Variants in PHF14 observed in about 807,000 individuals in gnomAD.
The protein encoded by PHF14 is PHD finger protein 14.
In PHF14, 55 loss-of-function variants were observed where a neutral mutation model predicts 117.9. The ratio of observed to expected loss-of-function variants is 0.47; its 90% CI spans 0.38 to 0.58. The LOEUF is 0.58. PHF14 is among the 20% of genes least tolerant of loss of function. The probability of loss-of-function intolerance (pLI) is 0.00; values close to 1 mark genes in which losing one functional copy is unlikely to be tolerated. For synonymous variants in PHF14, 409 were observed against 368.6 expected, an observed-to-expected ratio of 1.11 and a Z score of -1.26; for missense variants, 978 against 1,122.2, an observed-to-expected ratio of 0.87 and a Z score of 1.84.
intron 14 of PHF14, among the ~76,000 whole-genome samples, chr7:11,052,066 C>T (rs796315586): frequency 4.6e-5 from 7 of 152,272 alleles, no homozygotes; most frequent in African/African-American, 1.7e-4. Context: ...CCGTAAACCC[C>T]TCGACAAGCT....
chr7:11,096,157 G>T (rs146374751), intron 16 of PHF14, among the ~76,000 whole-genome samples: 3 of 151,656 alleles, frequency 2.0e-5, no homozygotes, highest in African/African-American at 7.3e-5. Flanking sequence ...ATTCTTTTTC[G>T]GTGTCTGAGT....
At chr7:11,078,255 C>G (rs1477746174) in intron 16 of PHF14, among the ~76,000 whole-genome samples, 2 of 152,060 alleles carry the variant, frequency 1.3e-5, no homozygotes, top group African/African-American at 4.8e-5. Flanking sequence ...ACTAGGAAAA[C>G]CAGGATGATT....
chr7:11,149,809 G>GT (rs1788655529), intron 17 of PHF14, among the ~76,000 whole-genome samples: 2 of 130,130 alleles, frequency 1.5e-5, no homozygotes, highest in Admixed American at 1.8e-4. Context: ...TGTTTCAGTT[G>GT]ATTTTTTTTT....
chr7:10,989,519 A>G (rs896040259), intron 3 of PHF14, among the ~76,000 whole-genome samples: 2 of 152,178 alleles, frequency 1.3e-5, no homozygotes, highest in African/African-American at 4.8e-5. Context: ...TGCAAGAATC[A>G]TTTTCTTAAC....
chr7:11,058,272 C>T (rs1785089237), intron 14 of PHF14, among the ~76,000 whole-genome samples: 1 of 152,034 alleles, frequency 6.6e-6, no homozygotes, highest in African/African-American at 2.4e-5. Context: ...TACCATTTCT[C>T]CCTCTTTTAA....
intron 17 of PHF14, among the ~76,000 whole-genome samples, chr7:11,113,345 T>C (rs1787503957): frequency 6.6e-6 from 1 of 152,168 alleles, no homozygotes; most frequent in South Asian, 2.1e-4. Flanking sequence ...GATAAGGTTT[T>C]AGTTTTGTTT....
chr7:10,998,068 A>T (rs1298199234), intron 4 of PHF14, among the ~76,000 whole-genome samples: 1 of 152,152 alleles, frequency 6.6e-6, no homozygotes, highest in Non-Finnish European at 1.5e-5. Flanking sequence ...AGAATTGGTG[A>T]TATAAGGAAA....
chr7:11,000,334 CTTTTTTTTTTT>C lies in PHF14; in HGVS notation c.1045+9500_1045+9510del, dbSNP rs71023882. 1.3e-4 allele frequency among the ~76,000 whole-genome samples: 8 copies of C among 60,370 alleles called. No homozygotes were observed. In the South Asian group the frequency reaches 5.2e-3, roughly 39 times the overall value. The allele number at this position is 60,370 out of a possible 152,430, so 39.6% of individuals were successfully genotyped here. On this transcript the variant is annotated intron_variant, in intron 4 of 17. Coordinates refer to ENST00000634607, the MANE Select transcript of PHF14 (RefSeq NM_001007157.2). The stretch of plus-strand genomic sequence containing the variant: ...AGTATCTTTTCATATGCTTATTTGC[CTTTTTTTTTTT>C]TTTTTTTTTTTTGAGATGGAGTCTT...
rs533305297 is a variant in PHF14, at chr7:11,119,906, A to G, written c.2772+8439A>G. Reference sequence around the variant, plus strand: ...TTGATTTTCTGATGGAATCTTTCCTAGGTGTGATAAGTTGTAAATTAGAGG... The same window carrying G: ...TTGATTTTCTGATGGAATCTTTCCTGGGTGTGATAAGTTGTAAATTAGAGG... On this transcript the variant is annotated intron_variant, in intron 17 of 17. Transcript: ENST00000634607. Among the ~76,000 whole-genome samples, 23 of 152,014 alleles carry G rather than the reference A, an allele frequency of 1.5e-4. No individual in the cohort carries two copies. In the South Asian group the frequency reaches 4.6e-3, roughly 30 times the overall value.
chr7:11,081,746 C>T (rs1786111808), intron 16 of PHF14, among the ~76,000 whole-genome samples: 1 of 151,828 alleles, frequency 6.6e-6, no homozygotes, highest in Non-Finnish European at 1.5e-5. Flanking sequence ...GTCCCAGCTA[C>T]TTGGGAGGCT....
At chr7:11,047,839 AAAG>A (rs1784724869) in intron 13 of PHF14, among the ~76,000 whole-genome samples, 2 of 124,384 alleles carry the variant, frequency 1.6e-5, no homozygotes, top group East Asian at 2.8e-4. Context: ...AGAAGGAAGG[AAAG>A]AAGGGAGGGA....
intron 13 of PHF14, among the ~76,000 whole-genome samples, chr7:11,049,039 G>T (rs1199834280): frequency 1.3e-5 from 2 of 152,126 alleles, no homozygotes; most frequent in Non-Finnish European, 2.9e-5. Context: ...GCTACCAAAA[G>T]AGAAGCGAAG....
intron 16 of PHF14, among the ~76,000 whole-genome samples, chr7:11,096,287 C>T (rs1786861845): frequency 6.6e-6 from 1 of 151,950 alleles, no homozygotes; most frequent in African/African-American, 2.4e-5. Flanking sequence ...TAACTATCAT[C>T]AAAAAAATTT....
In PHF14 at chr7:11,130,915, T is replaced by C. The variant is rs1243300754; in HGVS notation, c.2772+19448T>C. Among the ~76,000 whole-genome samples, 126 of 151,960 alleles carry C rather than the reference T, an allele frequency of 8.3e-4. No individual in the cohort carries two copies. The highest frequency in any genetic ancestry group is 8.3e-3 in the Admixed American group (126 of 15,208). On this transcript the variant is annotated intron_variant, in intron 17 of 17. Coordinates refer to ENST00000634607, the MANE Select transcript of PHF14 (RefSeq NM_001007157.2). This position sits in a 1 kb window ranked among gnomAD's most constrained non-coding sequence, Gnocchi z 4.2. ...TGCCTTTTCTGAATGTCATATAGTA[T>C]GTAGCCTGTTCAATTTGGCTTCTTT...
At chr7:11,146,134 T>G (rs549330772) in intron 17 of PHF14, among the ~76,000 whole-genome samples, 1 of 152,210 alleles carries the variant, frequency 6.6e-6, no homozygotes, top group Non-Finnish European at 1.5e-5. Flanking sequence ...TCACATATAT[T>G]TATATACATT....
At chr7:10,979,705 T>G (rs1781990066) in intron 2 of PHF14, among the ~76,000 whole-genome samples, 2 of 152,112 alleles carry the variant, frequency 1.3e-5, no homozygotes, top group East Asian at 3.8e-4. Context: ...ATGGTTTATC[T>G]CCATTCCTCC....
rs367631778 is a variant in PHF14, at chr7:10,994,946, T to G, written c.1045+4099T>G. On this transcript the variant is annotated intron_variant, in intron 4 of 17. Transcript: ENST00000634607. ...CATTGCTGGCTGGGGCAGCTTGCTC[T>G]TATCCCCTTCTCTGGCCCCACCCAC... Among the ~76,000 whole-genome samples the G allele has an allele frequency of 1.9e-3, 292 of 152,346 alleles. 2 individuals are homozygous for G. The highest frequency in any genetic ancestry group is 0.015 in the South Asian group (70 of 4,824).
chr7:11,097,468 AG>A (rs551512364), intron 16 of PHF14, among the ~76,000 whole-genome samples: 87 of 152,310 alleles, frequency 5.7e-4, no homozygotes, highest in African/African-American at 1.8e-3. Flanking sequence ...CATTAGGCGT[AG>A]TAGTAGGCCT....
intron 14 of PHF14, among the ~76,000 whole-genome samples, chr7:11,057,669 C>G (rs1041176516): frequency 2.0e-5 from 3 of 152,132 alleles, no homozygotes; most frequent in Admixed American, 1.3e-4. Context: ...CCACTGTTCC[C>G]GGCCTGAATA....
Sources: gnomAD v4.1 joint callset for allele counts (sites outside exome capture counted in the v4.1 genomes callset) on GRCh38, gnomAD v4.1.1 for gene constraint, Gnocchi (gnomAD v3.1) non-coding constraint, MANE v1.5 for transcripts, NCBI Gene and HGNC (gene_info 2026-07-23, HGNC 2026-07-21) for gene names.